Variants in CATSPERT observed in about 807,000 individuals in gnomAD.
CATSPERT encodes catsper channel auxiliary subunit tau.
chr2:201,544,222 T>A, the CATSPERT span, among the ~76,000 whole-genome samples: 173 of 152,280 alleles, frequency 1.1e-3, no homozygotes, highest in Admixed American at 6.0e-3. Context: ...TATTCCATGG[T>A]GTATATGTGC....
At chr2:201,546,625 T>C in the CATSPERT span, among the ~76,000 whole-genome samples, 6 of 152,120 alleles carry the variant, frequency 3.9e-5, no homozygotes, top group East Asian at 1.2e-3. Flanking sequence ...TAATAATTTT[T>C]AGAAGTTAAA....
At chr2:201,502,571 CAAA>C in the CATSPERT span, among the ~76,000 whole-genome samples, 802 of 94,980 alleles carry the variant, frequency 8.4e-3, 5 homozygotes, top group African/African-American at 0.031. Flanking sequence ...GACTCCATCT[CAAA>C]AAAAAAAAAA....
the CATSPERT span, chr2:201,492,301 A>T: frequency 6.5e-7 from 1 of 1,535,936 alleles, no homozygotes; most frequent in South Asian, 1.2e-5. Flanking sequence ...ATGCTGGTTG[A>T]TCCCTTCTAA....
the CATSPERT span, chr2:201,493,708 T>A: frequency 6.5e-7 from 1 of 1,537,304 alleles, no homozygotes; most frequent in African/African-American, 1.4e-5. Flanking sequence ...CACTTCTATC[T>A]CCAATTCTGA....
the CATSPERT span, among the ~76,000 whole-genome samples, chr2:201,588,231 G>A: frequency 6.6e-6 from 1 of 152,032 alleles, no homozygotes; most frequent in East Asian, 1.9e-4. Flanking sequence ...GAACATTGAT[G>A]CAAAAATCCT....
At chr2:201,490,460 A>G in the CATSPERT span, among the ~76,000 whole-genome samples, 4 of 152,182 alleles carry the variant, frequency 2.6e-5, no homozygotes, top group Non-Finnish European at 5.9e-5. Flanking sequence ...GCCACAGCCA[A>G]TGGTTGTACT....
At chr2:201,541,045 A>G in the CATSPERT span, among the ~76,000 whole-genome samples, 1 of 152,182 alleles carries the variant, frequency 6.6e-6, no homozygotes, top group African/African-American at 2.4e-5. Context: ...GATGTGATGA[A>G]AATAGCAACA....
At chr2:201,529,502 G>T in the CATSPERT span, among the ~76,000 whole-genome samples, 1 of 152,066 alleles carries the variant, frequency 6.6e-6, no homozygotes, top group African/African-American at 2.4e-5. Context: ...AAAAGGGAAA[G>T]AACAGACTCT....
the CATSPERT span, among the ~76,000 whole-genome samples, chr2:201,560,979 C>T: frequency 0.055 from 8,350 of 152,024 alleles, 271 homozygotes; most frequent in African/African-American, 0.08. Context: ...GACAAGTTTT[C>T]ACCATGTTGG....
At chr2:201,556,748 ACCTG>A in the CATSPERT span, 2 of 152,032 alleles carry the variant, frequency 1.3e-5, no homozygotes, top group Admixed American at 1.3e-4. Flanking sequence ...AATTGCTTGA[ACCTG>A]GGAGGCAGAA....
At chr2:201,598,770 C>G in the CATSPERT span, among the ~76,000 whole-genome samples, 2 of 151,922 alleles carry the variant, frequency 1.3e-5, no homozygotes, top group African/African-American at 4.8e-5. Context: ...TTAGTAGAGA[C>G]GGGTTTCACC....
the CATSPERT span, among the ~76,000 whole-genome samples, chr2:201,506,082 A>G: frequency 6.6e-6 from 1 of 152,188 alleles, no homozygotes; most frequent in Non-Finnish European, 1.5e-5. Context: ...CCTGGCTAAC[A>G]TGGTGAAACC....
chr2:201,529,695 C>T, the CATSPERT span, among the ~76,000 whole-genome samples: 766 of 152,160 alleles, frequency 5.0e-3, 2 homozygotes, highest in Non-Finnish European at 7.9e-3. Flanking sequence ...CTGGTCTATG[C>T]AATGATTTCT....
the CATSPERT span, among the ~76,000 whole-genome samples, chr2:201,510,116 T>C: frequency 6.6e-6 from 1 of 150,710 alleles, no homozygotes; most frequent in Non-Finnish European, 1.5e-5. Context: ...AGGCATTCTC[T>C]CTTCATCTGG....
the CATSPERT span, among the ~76,000 whole-genome samples, chr2:201,602,919 AAG>A: frequency 6.6e-6 from 1 of 152,016 alleles, no homozygotes; most frequent in African/African-American, 2.4e-5. Flanking sequence ...GACTTAGGGA[AAG>A]AGAGAGAGAT....
the CATSPERT span, among the ~76,000 whole-genome samples, chr2:201,537,998 G>A: frequency 1.3e-5 from 2 of 151,892 alleles, no homozygotes; most frequent in Admixed American, 6.6e-5. Context: ...ACATGACTTC[G>A]TTCAGCTCTT....
chr2:201,618,758 A>G, the CATSPERT span: 1 of 458,162 alleles, frequency 2.2e-6, no homozygotes, highest in Admixed American at 3.9e-5. Flanking sequence ...AAACGAAAAA[A>G]AAAAGGATTA....
chr2:201,524,853 G>A, the CATSPERT span, among the ~76,000 whole-genome samples: 949 of 152,144 alleles, frequency 6.2e-3, 2 homozygotes, highest in Non-Finnish European at 8.5e-3. Context: ...AGCCAACAAC[G>A]ATAAAAAAAG....
At chr2:201,531,733 G>C in the CATSPERT span, among the ~76,000 whole-genome samples, 5 of 152,266 alleles carry the variant, frequency 3.3e-5, no homozygotes, top group East Asian at 9.6e-4. Context: ...CTTGAGGCTG[G>C]AATAAGTTTA....
Sources: allele counts gnomAD v4.1 joint callset (sites outside exome capture counted in the v4.1 genomes callset), GRCh38; gene constraint gnomAD v4.1.1; transcripts MANE v1.5; gene names NCBI Gene and HGNC (gene_info 2026-07-23, HGNC 2026-07-21).